Variants in STAG1 observed in about 807,000 individuals in gnomAD.
STAG1 encodes STAG1 cohesin complex component.
STAG1 carries 26 observed loss-of-function variants against 170.9 expected under a neutral mutation model. That is an observed-to-expected ratio of 0.15 (90% CI 0.11 to 0.21). The LOEUF (loss-of-function observed/expected upper bound fraction) is 0.21, where lower values mean the gene tolerates loss of function less well. Ranked by LOEUF, STAG1 falls within the 10% of genes least tolerant of loss-of-function variation. The pLI is 1.00. For missense variants in STAG1, 964 were observed against 1,509.5 expected, an observed-to-expected ratio of 0.64 and a Z score of 5.99; for synonymous variants, 514 against 497.7, an observed-to-expected ratio of 1.03 and a Z score of -0.44.
chr3:136,724,124 G>A (rs1471736842), intron 1 of STAG1, among the ~76,000 whole-genome samples: 84 of 151,826 alleles, frequency 5.5e-4, no homozygotes, highest in Non-Finnish European at 3.8e-4. Flanking sequence ...CATTGAGAAC[G>A]GGCCATGATG....
intron 21 of STAG1, among the ~76,000 whole-genome samples, chr3:136,416,844 CTT>C (rs66573534): frequency 7.2e-4 from 91 of 127,160 alleles, no homozygotes; most frequent in African/African-American, 9.0e-4. Flanking sequence ...TCATAATTAA[CTT>C]TTTTTTTTTT....
intron 13 of STAG1, among the ~76,000 whole-genome samples, chr3:136,464,664 C>CA (rs144070057): frequency 0.078 from 11,811 of 152,152 alleles, 478 homozygotes; most frequent in Non-Finnish European, 0.093. Flanking sequence ...ATCATCCTCT[C>CA]AGATTTCAGA....
At chr3:136,609,436 C>T (rs1406408555) in intron 3 of STAG1, 1 of 149,578 alleles carries the variant, frequency 6.7e-6, no homozygotes, top group Non-Finnish European at 1.5e-5. Context: ...TATACACACA[C>T]ACATATATAC....
rs1560041559 is a variant in STAG1, at chr3:136,338,297, C to T, written c.3754-20G>A. 1.9e-6 allele frequency: 3 copies of T among 1,600,260 alleles called. No homozygotes were observed. Among genetic ancestry groups the T allele is most frequent in the South Asian group, 2.2e-5 (2 of 90,496 alleles). The stretch of plus-strand genomic sequence containing the variant: ...AAATCCCTAGAAAAATGATGAGAAA[C>T]ATAATTATTAATTTCATGCATAAAC... On this transcript the variant is annotated intron_variant, in intron 33 of 33. Transcript: ENST00000383202.
intron 5 of STAG1, among the ~76,000 whole-genome samples, chr3:136,564,462 G>A (rs1170323386): frequency 6.6e-6 from 1 of 152,114 alleles, no homozygotes; most frequent in African/African-American, 2.4e-5. Context: ...ACTAAGTATA[G>A]TTTTAATTAG....
chr3:136,740,840 C>T (rs183881717), intron 1 of STAG1, among the ~76,000 whole-genome samples: 5 of 152,104 alleles, frequency 3.3e-5, no homozygotes, highest in Non-Finnish European at 5.9e-5. Context: ...AGACAGGATA[C>T]GAGTATGTAA....
chr3:136,675,924 C>A (rs1345233638), intron 1 of STAG1, among the ~76,000 whole-genome samples: 2 of 152,142 alleles, frequency 1.3e-5, no homozygotes, highest in African/African-American at 4.8e-5. Flanking sequence ...ATTTTCTTTA[C>A]AATGTGCAAA....
chr3:136,425,524 T>C (rs2088091228), intron 16 of STAG1, among the ~76,000 whole-genome samples: 1 of 152,106 alleles, frequency 6.6e-6, no homozygotes. Flanking sequence ...TCTCTGACTA[T>C]ATCTTTTCAC....
At chr3:136,667,120 A>T (rs1941810969) in intron 1 of STAG1, among the ~76,000 whole-genome samples, 1 of 152,248 alleles carries the variant, frequency 6.6e-6, no homozygotes, top group South Asian at 2.1e-4. Flanking sequence ...ATATACAACT[A>T]AGTATAAACA....
At chr3:136,471,052 C>G (rs1378286336) in intron 12 of STAG1, among the ~76,000 whole-genome samples, 1 of 151,146 alleles carries the variant, frequency 6.6e-6, no homozygotes, top group Non-Finnish European at 1.5e-5. Context: ...GTGCAGCACA[C>G]CAACACGGCA....
intron 1 of STAG1, among the ~76,000 whole-genome samples, chr3:136,704,539 A>G (rs538071765): frequency 9.9e-5 from 15 of 152,218 alleles, no homozygotes; most frequent in Admixed American, 9.2e-4. Context: ...TACAAAAGAC[A>G]AAGAATGGCC....
chr3:136,370,061 C>G (rs964083031), intron 23 of STAG1, among the ~76,000 whole-genome samples: 3 of 31,642 alleles, frequency 9.5e-5, no homozygotes, highest in Non-Finnish European at 2.1e-4. Flanking sequence ...CTATACTATA[C>G]TATACTATAC....
At chr3:136,721,297 T>C (rs920561921) in intron 1 of STAG1, 3 of 152,216 alleles carry the variant, frequency 2.0e-5, no homozygotes, top group African/African-American at 7.2e-5. Context: ...CTGAAGGCAG[T>C]ATAACAGAAT....
At chr3:136,643,594 T>C (rs1351125183) in intron 1 of STAG1, among the ~76,000 whole-genome samples, 2 of 152,134 alleles carry the variant, frequency 1.3e-5, no homozygotes, top group East Asian at 1.9e-4. Flanking sequence ...CTGCAACCTC[T>C]GCCTCCTAGG....
At chr3:136,748,010 C>T (rs1935034286) in intron 1 of STAG1, among the ~76,000 whole-genome samples, 1 of 151,436 alleles carries the variant, frequency 6.6e-6, no homozygotes, top group Admixed American at 6.6e-5. Context: ...CTCCTGACCT[C>T]GTGATCCACC....
At chr3:136,526,572 A>T (rs1488605134) in intron 6 of STAG1, among the ~76,000 whole-genome samples, 1 of 152,192 alleles carries the variant, frequency 6.6e-6, no homozygotes, top group Non-Finnish European at 1.5e-5. Context: ...GTGTCTTTTA[A>T]TTGGAGCATT....
chr3:136,474,036 T>C (rs1341579373), intron 10 of STAG1, among the ~76,000 whole-genome samples: 1 of 152,200 alleles, frequency 6.6e-6, no homozygotes, highest in East Asian at 1.9e-4. Flanking sequence ...TCATCATTTA[T>C]TCATGCAACA....
Position 136,516,401 on chromosome 3 carries a change from G to A in STAG1, c.676+4812C>T, listed in dbSNP as rs116664912. ...CATGCACCTGTGGTCCCAGCTACTC[G>A]GGATGCTGAGGTGGAAGGATCGCTT... is the stretch of plus-strand genomic sequence containing the variant. On this transcript the variant is annotated intron_variant, in intron 7 of 33. Transcript: ENST00000383202. 3.5e-3 allele frequency among the ~76,000 whole-genome samples: 539 copies of A among 152,058 alleles called. 7 individuals are homozygous for A. The highest frequency in any genetic ancestry group is 0.012 in the African/African-American group (514 of 41,472).
rs1405205171 is a variant in STAG1, at chr3:136,477,508, T to C, written c.903-96A>G. 9.0e-6 allele frequency: 10 copies of C among 1,114,712 alleles called. No homozygotes were observed. The East Asian group carries it at 2.1e-4, about 23-fold the overall frequency. The allele number at this position is 1,114,712 out of a possible 1,614,324, so 69.1% of individuals were successfully genotyped here. A position where few individuals can be genotyped will look rare whatever the true frequency, so the allele number is the denominator to read the frequency against. ...TAAGCAATAAATATTTCTAATGCTG[T>C]TTGTATATATTTGCATTCTGAATGG... On this transcript the variant is annotated intron_variant, in intron 9 of 33. Coordinates refer to ENST00000383202, the MANE Select transcript of STAG1 (RefSeq NM_005862.3).
Sources: gnomAD v4.1 joint callset for allele counts (sites outside exome capture counted in the v4.1 genomes callset) on GRCh38, gnomAD v4.1.1 for gene constraint, MANE v1.5 for transcripts, NCBI Gene and HGNC (gene_info 2026-07-23, HGNC 2026-07-21) for gene names.